WNT6: variants seen among roughly 807,000 people sequenced by gnomAD.
The protein encoded by WNT6 is Wnt family member 6.
Under a neutral mutation model 33.1 loss-of-function variants are expected in WNT6, and 27 were observed. The ratio of observed to expected loss-of-function variants is 0.82; its 90% confidence interval spans 0.60 to 1.12. The LOEUF is 1.12. Among genes scored for constraint, WNT6 ranks in the 50% most tolerant of loss-of-function variants. WNT6 has a pLI of 0.00. For missense variants in WNT6, 494 were observed against 535.3 expected (o/e 0.92, Z 0.76); for synonymous variants, 249 against 242.8 (o/e 1.03, Z -0.24).
chr2:218,868,381 G>A (rs1427497099), intron 1 of WNT6, among the ~76,000 whole-genome samples: 1 of 152,124 alleles, frequency 6.6e-6, no homozygotes, highest in Non-Finnish European at 1.5e-5. Flanking sequence ...GAGAAGGATG[G>A]GGCAGAGTAA....
Position 218,874,123 on chromosome 2 carries a change from T to C in WNT6, c.*278T>C. The C allele has an allele frequency of 2.3e-6, 1 of 429,048 alleles. No individual in the cohort carries two copies. The highest frequency in any genetic ancestry group is 4.0e-6 in the Non-Finnish European group (1 of 247,208). The allele number at this position is 429,048 out of a possible 1,614,324, so 26.6% of individuals were successfully genotyped here. A position where few individuals can be genotyped will look rare whatever the true frequency, so the allele number is the denominator to read the frequency against. ...CTTGGCCTCTAGGAGGAAACAGTTT[T>C]TTAGACTGGAAAAAAGCCAGTCTAA... On this transcript the variant is annotated 3_prime_UTR_variant, in exon 4 of 4. Transcript: ENST00000233948.
chr2:218,874,087 C>T lies in WNT6; in HGVS notation c.*242C>T. 1 of 476,856 alleles carries T rather than the reference C, an allele frequency of 2.1e-6. No individual in the cohort carries two copies. The highest frequency in any genetic ancestry group is 3.6e-6 in the Non-Finnish European group (1 of 276,872). 29.5% of individuals were successfully genotyped at this position (476,856 alleles called of 1,614,324 possible). On this transcript the variant is annotated 3_prime_UTR_variant, in exon 4 of 4. Coordinates refer to ENST00000233948, the MANE Select transcript of WNT6 (RefSeq NM_006522.4). ...GAGCGTTTAAAGGACACTGTACAGG[C>T]CCTCCCTCCCCTTGGCCTCTAGGAG...
rs1944425536 is a variant in WNT6, at chr2:218,873,621, GAC to G, written c.875_876del (p.Asp292ValfsTer20). 1 of 1,575,486 alleles carries G rather than the reference GAC, an allele frequency of 6.3e-7. No individual in the cohort carries two copies. On this transcript the variant is annotated frameshift_variant, in exon 4 of 4. Transcript: ENST00000233948. LOFTEE classifies it high-confidence loss of function. The surrounding 1 kb of genome is among the most constrained non-coding windows in gnomAD (Gnocchi z 6.1). ...ADLLYAADSP[D>X]FCAPNRRTGS... is the part of the protein sequence containing the mutation. ...CCTCCTCTACGCCGCCGATTCGCCC[GAC>G]TTCTGCGCCCCCAACCGACGCACCG...
Position 218,863,400 on chromosome 2 carries a change from C to G in WNT6, c.80+3283C>G, listed in dbSNP as rs557223846. The stretch of plus-strand genomic sequence containing the variant: ...CAGCCAGGCTAGAAGCAGAGAGGAC[C>G]CCAGGACCTTTGAGTGACTCGACTG... On this transcript the variant is annotated intron_variant, in intron 1 of 3. Transcript: ENST00000233948. 2.0e-5 allele frequency among the ~76,000 whole-genome samples: 3 copies of G among 152,306 alleles called. No homozygotes were observed. The East Asian group carries it at 5.8e-4, about 29-fold the overall frequency.
In WNT6 at chr2:218,871,660, C is replaced by A; in HGVS notation, c.477C>A (p.Gly159=). The A allele has an allele frequency of 2.6e-6, 4 of 1,523,610 alleles. No individual in the cohort carries two copies. The highest frequency in any genetic ancestry group is 3.5e-6 in the Non-Finnish European group (4 of 1,137,840). 94.4% of individuals were successfully genotyped at this position (1,523,610 alleles called of 1,614,324 possible). Residue 159 remains glycine (G), a synonymous_variant, in exon 3 of 4, where the codon GGC becomes GGA. Coordinates refer to ENST00000233948, the MANE Select transcript of WNT6 (RefSeq NM_006522.4). The surrounding 1 kb of genome is among the most constrained non-coding windows in gnomAD (Gnocchi z 6.4). ...CCCCCGGACCCCCTGGCCCCGCGGG[C>A]TCCCCGGAAGGCAGCGCCGCCTGGG... ...PGTPGPPGPA[G]SPEGSAAWEW...
Position 218,871,823 on chromosome 2 carries a change from C to T in WNT6, c.636+4C>T. The T allele has an allele frequency of 6.3e-7, 1 of 1,579,396 alleles. No individual in the cohort carries two copies. Among genetic ancestry groups the T allele is most frequent in the Non-Finnish European group, 8.6e-7 (1 of 1,165,106 alleles). On this transcript the variant is annotated splice_donor_region_variant and intron_variant, in intron 3 of 3. Coordinates refer to ENST00000233948, the MANE Select transcript of WNT6 (RefSeq NM_006522.4). This position sits in a 1 kb window ranked among gnomAD's most constrained non-coding sequence, Gnocchi z 6.4. ...CAACAACGAGGCGGGCAGGCTGGTG[C>T]GTACGGGCAGGATGGAGTGAGTGTG...
chr2:218,873,443 G>C lies in WNT6; in HGVS notation c.696G>C (p.Ala232=). ...GCCACGGGCTGTCGGGATCATGCGC[G>C]CTGCGCACCTGCTGGCAGAAGCTGC... ...CKCHGLSGSC[A]LRTCWQKLPP... is the part of the protein sequence containing the mutation. Residue 232 remains alanine (A), a synonymous_variant, in exon 4 of 4, where the codon GCG becomes GCC. Transcript: ENST00000233948. The surrounding 1 kb of genome is among the most constrained non-coding windows in gnomAD (Gnocchi z 6.1). 1 of 1,538,348 alleles carries C rather than the reference G, an allele frequency of 6.5e-7. No homozygotes were observed. Among genetic ancestry groups the C allele is most frequent in the South Asian group, 1.2e-5 (1 of 84,028 alleles).
In WNT6 at chr2:218,867,867, G is replaced by A. The variant is rs1180848660; in HGVS notation, c.81-3160G>A. Among the ~76,000 whole-genome samples, 3 of 152,206 alleles carry A rather than the reference G, an allele frequency of 2.0e-5. No homozygotes were observed. The highest frequency in any genetic ancestry group is 7.2e-5 in the African/African-American group (3 of 41,448). ...CAAAAGCCAAAGTTATAGGGGGTAC[G>A]TGAGTCTCTCATGCTAACTCCTCAG... On this transcript the variant is annotated intron_variant, in intron 1 of 3. Coordinates refer to ENST00000233948, the MANE Select transcript of WNT6 (RefSeq NM_006522.4). The surrounding 1 kb of genome is among the most constrained non-coding windows in gnomAD (Gnocchi z 4.9).
Position 218,871,480 on chromosome 2 carries a change from C to A in WNT6, c.302-5C>A, listed in dbSNP as rs764864139. Reference sequence around the variant, plus strand: ...CGCGCTGATTGCACCTGTCTGCATTCACAGACATTCGGGAGACGGCCTTCG... The same window carrying A: ...CGCGCTGATTGCACCTGTCTGCATTAACAGACATTCGGGAGACGGCCTTCG... On this transcript the variant is annotated splice_polypyrimidine_tract_variant and splice_region_variant and intron_variant, in intron 2 of 3. Coordinates refer to ENST00000233948, the MANE Select transcript of WNT6 (RefSeq NM_006522.4). The surrounding 1 kb of genome is among the most constrained non-coding windows in gnomAD (Gnocchi z 6.4). 5.0e-6 allele frequency: 8 copies of A among 1,596,840 alleles called. No homozygotes were observed. The highest frequency in any genetic ancestry group is 6.8e-6 in the Non-Finnish European group (8 of 1,178,952).
chr2:218,873,522 C>T lies in WNT6; in HGVS notation c.775C>T (p.Arg259Cys). Reference sequence around the variant, plus strand: ...GCTGGAGCGCTTCCACGGCGCCTCACGCGTCATGGGCACCAACGACGGCAA... The same window carrying T: ...GCTGGAGCGCTTCCACGGCGCCTCATGCGTCATGGGCACCAACGACGGCAA... ...RLLERFHGAS[R>C]VMGTNDGKAL... Residue 259 changes from arginine (R) to cysteine (C), a missense_variant, in exon 4 of 4, where the codon CGC becomes TGC. Coordinates refer to ENST00000233948, the MANE Select transcript of WNT6 (RefSeq NM_006522.4). The surrounding 1 kb of genome is among the most constrained non-coding windows in gnomAD (Gnocchi z 6.1). 1.3e-6 allele frequency: 2 copies of T among 1,538,320 alleles called. No individual in the cohort carries two copies. Among genetic ancestry groups the T allele is most frequent in the Non-Finnish European group, 1.7e-6 (2 of 1,146,390 alleles).
At chr2:218,869,230 G>GTGCGCATGCA (rs1422822902) in intron 1 of WNT6, among the ~76,000 whole-genome samples, 6 of 151,650 alleles carry the variant, frequency 4.0e-5, no homozygotes, top group South Asian at 2.1e-4. Context: ...GTGCGCATGC[G>GTGCGCATGCA]TGCACGCATG....
intron 1 of WNT6, among the ~76,000 whole-genome samples, chr2:218,861,418 C>G (rs1944309206): frequency 6.6e-6 from 1 of 152,198 alleles, no homozygotes; most frequent in South Asian, 2.1e-4. Context: ...TTCCCTACCT[C>G]TCAGTCTTAA....
intron 3 of WNT6, among the ~76,000 whole-genome samples, chr2:218,872,144 A>G (rs533147146): frequency 1.3e-5 from 2 of 152,248 alleles, no homozygotes; most frequent in East Asian, 1.9e-4. Flanking sequence ...CAGCTTCAAG[A>G]CAGGACAGGT....
chr2:218,863,104 C>T (rs995607564), intron 1 of WNT6, among the ~76,000 whole-genome samples: 1 of 152,198 alleles, frequency 6.6e-6, no homozygotes, highest in Non-Finnish European at 1.5e-5. Flanking sequence ...CCCCACCCTA[C>T]CAGTGCCCTC....
chr2:218,872,225 G>T (rs1270868308), intron 3 of WNT6, among the ~76,000 whole-genome samples: 1 of 152,182 alleles, frequency 6.6e-6, no homozygotes, highest in Non-Finnish European at 1.5e-5. Flanking sequence ...CAAAGGTGGG[G>T]ATGAAAGACA....
chr2:218,869,169 C>T (rs1944378180), intron 1 of WNT6, among the ~76,000 whole-genome samples: 1 of 152,076 alleles, frequency 6.6e-6, no homozygotes, highest in Non-Finnish European at 1.5e-5. Flanking sequence ...CATCTGATTC[C>T]TGAGCTACTT....
At position 218,871,651 on chromosome 2, in the gene WNT6, C is replaced by G; in HGVS notation, c.468C>G (p.Gly156=). The G allele has an allele frequency of 6.6e-7, 1 of 1,506,114 alleles. No individual in the cohort carries two copies. Among genetic ancestry groups the G allele is most frequent in the East Asian group, 2.7e-5 (1 of 36,752 alleles). 93.3% of individuals were successfully genotyped at this position (1,506,114 alleles called of 1,614,324 possible). A position where few individuals can be genotyped will look rare whatever the true frequency, so the allele number is the denominator to read the frequency against. The change falls in exon 3 of 4, where the codon GGC becomes GGG. Residue 156 remains glycine, a synonymous_variant. Coordinates refer to ENST00000233948, the MANE Select transcript of WNT6 (RefSeq NM_006522.4). This position sits in a 1 kb window ranked among gnomAD's most constrained non-coding sequence, Gnocchi z 6.4. ...TGCCCGGCACCCCCGGACCCCCTGG[C>G]CCCGCGGGCTCCCCGGAAGGCAGCG... ...SGLPGTPGPP[G]PAGSPEGSAA... is the part of the protein sequence containing the mutation.
At chr2:218,861,815 C>A (rs1486502196) in intron 1 of WNT6, among the ~76,000 whole-genome samples, 1 of 152,142 alleles carries the variant, frequency 6.6e-6, no homozygotes, top group Non-Finnish European at 1.5e-5. Flanking sequence ...CTTCCATTGC[C>A]TTCTCTGCGC....
chr2:218,872,793 G>C (rs560591674), intron 3 of WNT6, among the ~76,000 whole-genome samples: 1 of 152,258 alleles, frequency 6.6e-6, no homozygotes, highest in South Asian at 2.1e-4. Flanking sequence ...CTCCGTTCTA[G>C]CGTTCTCCAG....
Sources: gnomAD v4.1 joint callset for allele counts (sites outside exome capture counted in the v4.1 genomes callset) on GRCh38, gnomAD v4.1.1 for gene constraint, Gnocchi (gnomAD v3.1) non-coding constraint, MANE v1.5 for transcripts, NCBI Gene and HGNC (gene_info 2026-07-23, HGNC 2026-07-21) for gene names.